Variants in PDGFD observed in about 807,000 individuals in gnomAD.
PDGFD encodes platelet derived growth factor D, also known as platelet-derived growth factor D.
A neutral mutation model predicts 44.7 loss-of-function variants in PDGFD; 30 were observed. The ratio of observed to expected loss-of-function variants is 0.67; its 90% CI spans 0.50 to 0.91. The LOEUF (loss-of-function observed/expected upper bound fraction) is 0.91. Among genes scored for constraint, PDGFD ranks in the 40% least tolerant of loss-of-function variants. The pLI, the probability that PDGFD is intolerant of heterozygous loss-of-function variation, is 0.00. For missense variants in PDGFD, 445 were observed against 457.8 expected (o/e 0.97, Z 0.25); for synonymous variants, 173 against 168.4 (o/e 1.03, Z -0.21).
At chr11:103,975,948 T>C (rs1859177783) in intron 3 of PDGFD, among the ~76,000 whole-genome samples, 1 of 152,198 alleles carries the variant, frequency 6.6e-6, no homozygotes, top group Admixed American at 6.5e-5. Context: ...AGCTTTGTTC[T>C]TTTTGCTTAG....
intron 1 of PDGFD, among the ~76,000 whole-genome samples, chr11:104,046,319 A>AAATG (rs1353388981): frequency 6.8e-6 from 1 of 147,598 alleles, no homozygotes; most frequent in African/African-American, 2.5e-5. Flanking sequence ...GTTCAGAATT[A>AAATG]AATGATATTA....
intron 6 of PDGFD, among the ~76,000 whole-genome samples, chr11:103,923,488 C>T (rs1250038941): frequency 6.6e-6 from 1 of 152,186 alleles, no homozygotes; most frequent in Non-Finnish European, 1.5e-5. Flanking sequence ...GGTCTCATTA[C>T]CCCCTTAAGG....
intron 1 of PDGFD, among the ~76,000 whole-genome samples, chr11:104,021,485 T>C (rs260851): frequency 0.2 from 30,767 of 152,142 alleles, 3,480 homozygotes; most frequent in African/African-American, 0.3. Flanking sequence ...GAAAGAAGTG[T>C]TGGGTACTAA....
At chr11:104,084,692 G>A (rs1861095889) in intron 1 of PDGFD, among the ~76,000 whole-genome samples, 1 of 130,462 alleles carries the variant, frequency 7.7e-6, no homozygotes, top group East Asian at 2.0e-4. Context: ...ATTATATAGT[G>A]TATAATTTTA....
chr11:104,139,035 T>A (rs1862047957), intron 1 of PDGFD, among the ~76,000 whole-genome samples: 2 of 152,304 alleles, frequency 1.3e-5, no homozygotes, highest in South Asian at 2.1e-4. Context: ...GTACTGGGAT[T>A]ACAGGCATGC....
At chr11:104,008,264 T>G (rs1428780255) in intron 1 of PDGFD, among the ~76,000 whole-genome samples, 6 of 152,148 alleles carry the variant, frequency 3.9e-5, no homozygotes, top group Non-Finnish European at 7.4e-5. Context: ...ATACCAGTGG[T>G]TGGACTATGG....
intron 1 of PDGFD, among the ~76,000 whole-genome samples, chr11:104,092,007 G>A (rs1025166373): frequency 2.0e-5 from 3 of 152,110 alleles, no homozygotes; most frequent in Non-Finnish European, 4.4e-5. Context: ...ATGATCCCAC[G>A]TAATTGTTAC....
chr11:103,994,504 T>C (rs1168013930), intron 3 of PDGFD, among the ~76,000 whole-genome samples: 1 of 152,232 alleles, frequency 6.6e-6, no homozygotes, highest in African/African-American at 2.4e-5. Context: ...TATTTTTTCA[T>C]TTACAATGTT....
At chr11:104,099,083 C>T (rs942013281) in intron 1 of PDGFD, among the ~76,000 whole-genome samples, 3 of 152,166 alleles carry the variant, frequency 2.0e-5, no homozygotes, top group South Asian at 2.1e-4. Flanking sequence ...CACTAGGAGG[C>T]GAATGTGTTA....
At chr11:104,037,747 A>C in intron 1 of PDGFD, 1 of 1,614,142 alleles carries the variant, frequency 6.2e-7, no homozygotes, top group Non-Finnish European at 8.5e-7. Flanking sequence ...TCAGATTCAA[A>C]TTGAAGGTGA....
At chr11:103,917,419 C>A (rs1858144071) in intron 6 of PDGFD, among the ~76,000 whole-genome samples, 1 of 152,118 alleles carries the variant, frequency 6.6e-6, no homozygotes, top group Admixed American at 6.6e-5. Flanking sequence ...AAATTCCATT[C>A]TTGTTTTCTA....
chr11:103,995,711 C>T (rs1235819956), intron 3 of PDGFD, among the ~76,000 whole-genome samples: 2 of 152,170 alleles, frequency 1.3e-5, no homozygotes, highest in Non-Finnish European at 2.9e-5. Context: ...TTTTCTTTAG[C>T]TTTAATTCTG....
intron 1 of PDGFD, among the ~76,000 whole-genome samples, chr11:104,109,592 A>T (rs1861522170): frequency 6.6e-6 from 1 of 152,194 alleles, no homozygotes; most frequent in Non-Finnish European, 1.5e-5. Context: ...CAAAGAATAT[A>T]CAAGAATATT....
chr11:103,925,756 G>T (rs1376853166), intron 6 of PDGFD, among the ~76,000 whole-genome samples: 1 of 139,302 alleles, frequency 7.2e-6, no homozygotes, highest in East Asian at 2.1e-4. Context: ...TTTTTGAGAT[G>T]GAGTTTCTTT....
intron 1 of PDGFD, among the ~76,000 whole-genome samples, chr11:104,025,049 G>T (rs1244181931): frequency 6.6e-6 from 1 of 152,178 alleles, no homozygotes; most frequent in East Asian, 1.9e-4. Flanking sequence ...AGAAACTTTT[G>T]CACAGAACTA....
chr11:103,908,060 C>T lies in PDGFD; in HGVS notation c.*1634G>A, dbSNP rs759614218. 3.3e-5 allele frequency: 5 copies of T among 152,174 alleles called. No homozygotes were observed. The highest frequency in any genetic ancestry group is 7.3e-5 in the Non-Finnish European group (5 of 68,032). 9.4% of individuals were successfully genotyped at this position (152,174 alleles called of 1,614,324 possible). A position where few individuals can be genotyped will look rare whatever the true frequency, so the allele number is the denominator to read the frequency against. On this transcript the variant is annotated 3_prime_UTR_variant, in exon 7 of 7. Coordinates refer to ENST00000393158, the MANE Select transcript of PDGFD (RefSeq NM_025208.5). ...GAAATCTAAGTATATTTAGGTCACT[C>T]ATCTAACACTGGGACTTTACCAGCC... is the stretch of plus-strand genomic sequence containing the variant.
chr11:104,073,083 G>C (rs976673015), intron 1 of PDGFD, among the ~76,000 whole-genome samples: 2 of 152,002 alleles, frequency 1.3e-5, no homozygotes, highest in South Asian at 4.1e-4. Flanking sequence ...AATCATGTTT[G>C]GAGAAGCATA....
intron 3 of PDGFD, among the ~76,000 whole-genome samples, chr11:103,963,572 G>T (rs1418169519): frequency 6.6e-6 from 1 of 152,072 alleles, no homozygotes; most frequent in Non-Finnish European, 1.5e-5. Context: ...CCTACCCATT[G>T]CTAGTACTGT....
At chr11:104,030,028 T>C (rs1436112367) in intron 1 of PDGFD, among the ~76,000 whole-genome samples, 1 of 152,218 alleles carries the variant, frequency 6.6e-6, no homozygotes, top group Non-Finnish European at 1.5e-5. Context: ...AGACGGGTCT[T>C]AGTCAAAATG....
Sources: allele counts gnomAD v4.1 joint callset (sites outside exome capture counted in the v4.1 genomes callset), GRCh38; gene constraint gnomAD v4.1.1; transcripts MANE v1.5; gene names NCBI Gene and HGNC (gene_info 2026-07-23, HGNC 2026-07-21).